Variants in PDGFC observed in about 807,000 individuals in gnomAD.
PDGFC encodes platelet-derived growth factor C.
Under a neutral mutation model 35.5 loss-of-function variants are expected in PDGFC, and 12 were observed. The ratio of observed to expected loss-of-function variants is 0.34; its 90% CI spans 0.22 to 0.55. The LOEUF (loss-of-function observed/expected upper bound fraction) is 0.55. Among genes scored for constraint, PDGFC ranks in the 20% least tolerant of loss-of-function variants. The probability of loss-of-function intolerance (pLI) is 0.91; values close to 1 mark genes in which losing one functional copy is unlikely to be tolerated. For synonymous variants in PDGFC, 159 were observed against 148.8 expected, an observed-to-expected ratio of 1.07 and a Z score of -0.50; for missense variants, 322 against 412.4, an observed-to-expected ratio of 0.78 and a Z score of 1.90.
chr4:156,844,334 G>C (rs1313815113), intron 2 of PDGFC, among the ~76,000 whole-genome samples: 1 of 152,086 alleles, frequency 6.6e-6, no homozygotes, highest in East Asian at 1.9e-4. Flanking sequence ...TTGATGTACA[G>C]TCTAAATTAG....
chr4:156,849,334 T>TA (rs1348861003), intron 2 of PDGFC, among the ~76,000 whole-genome samples: 11 of 152,180 alleles, frequency 7.2e-5, no homozygotes, highest in South Asian at 2.1e-4. Context: ...GTGCTAAAGA[T>TA]AAAAACTGTG....
intron 3 of PDGFC, among the ~76,000 whole-genome samples, chr4:156,799,121 GATAATTC>G (rs1297962277): frequency 6.6e-6 from 1 of 152,110 alleles, no homozygotes; most frequent in Non-Finnish European, 1.5e-5. Context: ...AAGAACCTAA[GATAATTC>G]ATGTACTCCT....
chr4:156,947,107 G>A lies in PDGFC; in HGVS notation c.118+23679C>T, dbSNP rs143199818. Reference sequence around the variant, plus strand: ...GTCAGCAGAATGGACCAAAGAGATCGCCCTCTCATCTGCTGGGATTCTAGC... The same window carrying A: ...GTCAGCAGAATGGACCAAAGAGATCACCCTCTCATCTGCTGGGATTCTAGC... On this transcript the variant is annotated intron_variant, in intron 1 of 5. Coordinates refer to ENST00000502773, the MANE Select transcript of PDGFC (RefSeq NM_016205.3). Among the ~76,000 whole-genome samples the A allele has an allele frequency of 6.1e-4, 93 of 152,042 alleles. 1 individual carries two copies. The East Asian group carries it at 0.017, about 28-fold the overall frequency.
intron 3 of PDGFC, among the ~76,000 whole-genome samples, chr4:156,773,434 T>C (rs1344239558): frequency 6.6e-6 from 1 of 152,198 alleles, no homozygotes; most frequent in Non-Finnish European, 1.5e-5. Context: ...TTGCCTACAA[T>C]ATATTTTTAA....
At chr4:156,812,638 A>C in intron 2 of PDGFC, among the ~76,000 whole-genome samples, 1 of 152,182 alleles carries the variant, frequency 6.6e-6, no homozygotes, top group East Asian at 1.9e-4. Context: ...CAAAGTGTAT[A>C]ATGAAACAAT....
chr4:156,868,178 A>G (rs1268771599), intron 1 of PDGFC, among the ~76,000 whole-genome samples: 1 of 152,220 alleles, frequency 6.6e-6, no homozygotes, highest in Non-Finnish European at 1.5e-5. Flanking sequence ...ATACTTTTTG[A>G]CAAAAAATGC....
In PDGFC at chr4:156,778,770, T is replaced by C. The variant is rs532508024; in HGVS notation, c.496-5877A>G. Among the ~76,000 whole-genome samples the C allele has an allele frequency of 5.8e-4, 89 of 152,298 alleles. No individual in the cohort carries two copies. The South Asian group carries it at 6.6e-3, about 11-fold the overall frequency. On this transcript the variant is annotated intron_variant, in intron 3 of 5. Transcript: ENST00000502773. Reference sequence around the variant, plus strand: ...AATCTTCCTTGGACAAATACACACATATAAATGTTTACCTTGAGTAGCATA... The same window carrying C: ...AATCTTCCTTGGACAAATACACACACATAAATGTTTACCTTGAGTAGCATA...
At chr4:156,861,922 T>C (rs926029942) in intron 1 of PDGFC, among the ~76,000 whole-genome samples, 1 of 152,100 alleles carries the variant, frequency 6.6e-6, no homozygotes, top group Admixed American at 6.6e-5. Flanking sequence ...TCCCTTAATA[T>C]CTTGTCCCAG....
chr4:156,904,608 A>G (rs116627928), intron 1 of PDGFC, among the ~76,000 whole-genome samples: 2,484 of 152,202 alleles, frequency 0.016, 74 homozygotes, highest in African/African-American at 0.057. Flanking sequence ...ACAAAGACAT[A>G]TAAGAGAATT....
At chr4:156,891,179 A>G (rs1375474416) in intron 1 of PDGFC, among the ~76,000 whole-genome samples, 1 of 151,314 alleles carries the variant, frequency 6.6e-6, no homozygotes, top group East Asian at 1.9e-4. Flanking sequence ...ATCTAAACAT[A>G]AAAAAAAGGA....
At chr4:156,788,602 T>C (rs1007670029) in intron 3 of PDGFC, among the ~76,000 whole-genome samples, 2 of 152,198 alleles carry the variant, frequency 1.3e-5, no homozygotes, top group African/African-American at 4.8e-5. Flanking sequence ...CCAATTAGCC[T>C]CAAAGAAAGG....
At chr4:156,832,150 T>C (rs1195632775) in intron 2 of PDGFC, among the ~76,000 whole-genome samples, 1 of 152,040 alleles carries the variant, frequency 6.6e-6, no homozygotes, top group Non-Finnish European at 1.5e-5. Context: ...TAGCCAATAC[T>C]CTTTCTTCTC....
chr4:156,924,194 T>C (rs1425933487), intron 1 of PDGFC, among the ~76,000 whole-genome samples: 1 of 152,182 alleles, frequency 6.6e-6, no homozygotes, highest in Non-Finnish European at 1.5e-5. Flanking sequence ...AGTTAAAATT[T>C]CAATAGCACA....
chr4:156,910,303 CAT>C (rs995417086), intron 1 of PDGFC, among the ~76,000 whole-genome samples: 29 of 152,114 alleles, frequency 1.9e-4, no homozygotes, highest in African/African-American at 6.8e-4. Flanking sequence ...CTAATGTTGA[CAT>C]GTTTCATGAC....
chr4:156,883,084 CAAAAAAA>C (rs376927288), intron 1 of PDGFC, among the ~76,000 whole-genome samples: 31 of 83,274 alleles, frequency 3.7e-4, no homozygotes, highest in African/African-American at 1.3e-3. Context: ...ATTCTGTCTC[CAAAAAAA>C]AAAAAAAAAG....
At chr4:156,878,950 T>C (rs758105225) in intron 1 of PDGFC, among the ~76,000 whole-genome samples, 1 of 152,218 alleles carries the variant, frequency 6.6e-6, no homozygotes, top group Non-Finnish European at 1.5e-5. Context: ...TGACACTTTA[T>C]AGGTCCTAAA....
intron 1 of PDGFC, among the ~76,000 whole-genome samples, chr4:156,905,134 G>A (rs547892329): frequency 5.3e-5 from 8 of 151,956 alleles, no homozygotes; most frequent in African/African-American, 1.9e-4. Context: ...GCTGGAGCTG[G>A]GATCATCTTG....
chr4:156,818,472 C>G (rs943617717), intron 2 of PDGFC, among the ~76,000 whole-genome samples: 1 of 149,184 alleles, frequency 6.7e-6, no homozygotes, highest in Non-Finnish European at 1.5e-5. Flanking sequence ...ACTTGTCTAA[C>G]TGGTGCAACA....
intron 3 of PDGFC, among the ~76,000 whole-genome samples, chr4:156,807,550 A>T (rs1351233719): frequency 1.3e-5 from 2 of 152,060 alleles, no homozygotes; most frequent in Non-Finnish European, 2.9e-5. Context: ...AACTGAGGAA[A>T]AAAAGAGTGG....
Sources: allele counts gnomAD v4.1 joint callset (sites outside exome capture counted in the v4.1 genomes callset), GRCh38; gene constraint gnomAD v4.1.1; transcripts MANE v1.5; gene names NCBI Gene and HGNC (gene_info 2026-07-23, HGNC 2026-07-21).